The following KMT2C variants were observed in gnomAD, a reference collection of about 807,000 sequenced individuals.
KMT2C encodes lysine methyltransferase 2C, also known as histone-lysine N-methyltransferase 2C.
A neutral mutation model predicts 507.9 loss-of-function variants in KMT2C; 88 were observed. The ratio of observed to expected loss-of-function variants is 0.17; its 90% CI spans 0.15 to 0.21. The LOEUF is 0.21. KMT2C is among the 10% of genes least tolerant of loss of function. The pLI is 1.00. For synonymous variants in KMT2C, 2,049 were observed against 2,080.8 expected (o/e 0.98, Z 0.42); for missense variants, 4,954 against 5,957.8 (o/e 0.83, Z 5.55).
chr7:152,222,159 C>G, intron 21 of KMT2C, 93 bp from the exon 22 acceptor site: 1 of 809,816 alleles, frequency 1.2e-6, no homozygotes. Flanking sequence ...TGTTTCTATA[C>G]TCATTTTATT....
chr7:152,179,738 G>A, intron 37 of KMT2C, 96 bp downstream of exon 37: 15 of 1,131,710 alleles, frequency 1.3e-5, no homozygotes, highest in South Asian at 7.8e-5. Flanking sequence ...TCCTGCCTCA[G>A]CTAGTAGCTA....
intron 48 of KMT2C, among the ~76,000 whole-genome samples, chr7:152,153,654 TAAGTTTGAGGCTGCAG>T (rs1232142142): frequency 6.6e-6 from 1 of 150,650 alleles, no homozygotes; most frequent in Admixed American, 6.6e-5. Flanking sequence ...TTGAGCCCAG[TAAGTTTGAGGCTGCAG>T]TGAGCTATGA....
chr7:152,190,483 T>C (rs2093759396), intron 31 of KMT2C, among the ~76,000 whole-genome samples: 1 of 152,246 alleles, frequency 6.6e-6, no homozygotes, highest in Non-Finnish European at 1.5e-5. Context: ...AATAGGTTAT[T>C]ATGTTCAGCT....
intron 25 of KMT2C, among the ~76,000 whole-genome samples, chr7:152,204,200 A>G (rs2094228403): frequency 6.6e-6 from 1 of 152,042 alleles, no homozygotes; most frequent in African/African-American, 2.4e-5. Context: ...TGGGACGCTG[A>G]CGCACGAGAA....
Position 152,182,411 on chromosome 7 carries a change from C to G in KMT2C, c.5449G>C (p.Gly1817Arg). 3 of 1,613,562 alleles carry G rather than the reference C, an allele frequency of 1.9e-6. No homozygotes were observed. The highest frequency in any genetic ancestry group is 2.5e-6 in the Non-Finnish European group (3 of 1,179,652). ...QSPLTPQPGN[G>R]NMSPAQSFHK... ...AATGACTGTGCAGGAGACATATTTC[C>G]ATTGCCAGGCTGAGGTGTCAAGGGA... The change falls in exon 36 of 59, where the codon GGA becomes CGA. Residue 1817 changes from glycine (G) to arginine (R), a missense_variant. By Grantham distance (125) the Gly-to-Arg change is moderately radical. This residue lies in a region of KMT2C where 1,689 missense variants were observed against 1,654.3 expected (regional missense o/e 1.02). Transcript: ENST00000262189.
Position 152,178,015 on chromosome 7 carries a change from T to TAAAAAAAAAAAA in KMT2C, c.7443-17_7443-6dup, listed in dbSNP as rs746018833. ...CTACCTCCTGGAAATCCAAATCTTT[T>TAAAAAAAAAAAA]AAAAAAAAAAAAAAAAAAAAAAAAA... On this transcript the variant is annotated splice_polypyrimidine_tract_variant and splice_region_variant and intron_variant, in intron 37 of 58. Transcript: ENST00000262189. 3.7e-6 allele frequency: 3 copies of TAAAAAAAAAAAA among 811,068 alleles called. No individual in the cohort carries two copies. The highest frequency in any genetic ancestry group is 5.2e-5 in the South Asian group (1 of 19,200). The allele number at this position is 811,068 out of a possible 1,614,324, so 50.2% of individuals were successfully genotyped here.
intron 51 of KMT2C, among the ~76,000 whole-genome samples, chr7:152,150,006 C>T (rs148018148): frequency 6.6e-6 from 1 of 152,178 alleles, no homozygotes; most frequent in African/African-American, 2.4e-5. Flanking sequence ...TACAGGCATA[C>T]TACAAACAAC....
At position 152,179,934 on chromosome 7, in the gene KMT2C, C is replaced by G. The variant is rs1305031368; in HGVS notation, c.7342G>C (p.Ala2448Pro). ...GCATATCTAGGTCCTAAAGGAGGGG[C>G]AACAGGAGACCTAATGTTCCCAGGA... ...PYPGNIRSPV[A>P]PPLGPRYAVF... Residue 2448 changes from alanine to proline, a missense_variant, in exon 37 of 59, where the codon GCC becomes CCC. Coordinates refer to ENST00000262189, the MANE Select transcript of KMT2C (RefSeq NM_170606.3). 6.2e-7 allele frequency: 1 copy of G among 1,614,056 alleles called. No homozygotes were observed. The highest frequency in any genetic ancestry group is 8.5e-7 in the Non-Finnish European group (1 of 1,179,974).
intron 6 of KMT2C, among the ~76,000 whole-genome samples, chr7:152,307,270 GAAGA>G (rs1209778519): frequency 0.017 from 1,683 of 97,658 alleles, 32 homozygotes; most frequent in African/African-American, 0.05. Flanking sequence ...AGGAAGGAAG[GAAGA>G]AAGAAAGGAA....
At chr7:152,201,123 T>A (rs1329613053) in intron 26 of KMT2C, among the ~76,000 whole-genome samples, 1 of 152,198 alleles carries the variant, frequency 6.6e-6, no homozygotes, top group African/African-American at 2.4e-5. Flanking sequence ...TTCTGTCTAA[T>A]GACTCATGAC....
At chr7:152,432,338 A>AT (rs1441519929) in intron 1 of KMT2C, among the ~76,000 whole-genome samples, 9 of 152,208 alleles carry the variant, frequency 5.9e-5, no homozygotes, top group African/African-American at 2.2e-4. Context: ...GGATGGAAAA[A>AT]ATAAGAAAAA....
intron 31 of KMT2C, among the ~76,000 whole-genome samples, chr7:152,189,270 GAAC>G (rs1043586854): frequency 6.6e-6 from 1 of 152,058 alleles, no homozygotes; most frequent in African/African-American, 2.4e-5. Context: ...AAAAAAGAAA[GAAC>G]AACAACAACA....
At chr7:152,371,427 A>C (rs1332979996) in intron 1 of KMT2C, among the ~76,000 whole-genome samples, 3 of 152,210 alleles carry the variant, frequency 2.0e-5, no homozygotes, top group East Asian at 1.9e-4. Context: ...ACTATCAAAA[A>C]AATCATCAAA....
In KMT2C at chr7:152,330,596, C is replaced by G; in HGVS notation, c.389+5G>C. 1 of 1,613,810 alleles carries G rather than the reference C, an allele frequency of 6.2e-7. No homozygotes were observed. The highest frequency in any genetic ancestry group is 8.5e-7 in the Non-Finnish European group (1 of 1,179,722). On this transcript the variant is annotated splice_donor_5th_base_variant and intron_variant, in intron 3 of 58. Coordinates refer to ENST00000262189, the MANE Select transcript of KMT2C (RefSeq NM_170606.3). ...TATCCAATCCAGCTGCATTCATTCTCTAACCTGATTTTGGCTTCTACACCA... is the reference window on the plus strand; with the variant it reads ...TATCCAATCCAGCTGCATTCATTCTGTAACCTGATTTTGGCTTCTACACCA...
chr7:152,149,460 T>C (rs2091428920), intron 51 of KMT2C, among the ~76,000 whole-genome samples: 1 of 152,138 alleles, frequency 6.6e-6, no homozygotes, highest in Non-Finnish European at 1.5e-5. Context: ...CTAACTATAT[T>C]AAAACCAGAA....
intron 1 of KMT2C, among the ~76,000 whole-genome samples, chr7:152,425,588 A>G (rs2116758454): frequency 6.6e-6 from 1 of 152,302 alleles, no homozygotes; most frequent in Non-Finnish European, 1.5e-5. Flanking sequence ...AAAAACAAAC[A>G]AACACTTGGC....
chr7:152,309,375 G>A (rs1370368363), intron 6 of KMT2C, among the ~76,000 whole-genome samples: 1 of 147,522 alleles, frequency 6.8e-6, no homozygotes, highest in African/African-American at 2.5e-5. Context: ...GGAGTATGGA[G>A]TGCAGTGGTG....
At chr7:152,320,698 C>T (rs934843648) in intron 3 of KMT2C, among the ~76,000 whole-genome samples, 1 of 151,918 alleles carries the variant, frequency 6.6e-6, no homozygotes, top group Non-Finnish European at 1.5e-5. Context: ...AAGTATTGAA[C>T]ATCTTTATTG....
intron 3 of KMT2C, among the ~76,000 whole-genome samples, chr7:152,317,983 C>A (rs2096736759): frequency 6.6e-6 from 1 of 151,774 alleles, no homozygotes; most frequent in Admixed American, 6.6e-5. Flanking sequence ...ACTAAAAATA[C>A]AAAAATTAGC....
Sources: allele counts gnomAD v4.1 joint callset (sites outside exome capture counted in the v4.1 genomes callset), GRCh38; gene constraint gnomAD v4.1.1; regional missense constraint gnomAD v4.1.1; transcripts MANE v1.5; gene names NCBI Gene and HGNC (gene_info 2026-07-23, HGNC 2026-07-21).